Variants in PTPRT observed in about 807,000 individuals in gnomAD.
The protein encoded by PTPRT is receptor-type tyrosine-protein phosphatase T.
Under a neutral mutation model 176.8 loss-of-function variants are expected in PTPRT, and 56 were observed. That is an observed-to-expected ratio of 0.32 (90% CI 0.26 to 0.40). The LOEUF is 0.40. Among genes scored for constraint, PTPRT ranks in the 10% least tolerant of loss-of-function variants. PTPRT has a pLI of 1.00. For synonymous variants in PTPRT, 783 were observed against 739.0 expected (o/e 1.06, Z -0.96); for missense variants, 1,540 against 1,908.2 (o/e 0.81, Z 3.60).
chr20:42,486,049 A>G (rs2071459108), intron 7 of PTPRT, among the ~76,000 whole-genome samples: 1 of 152,172 alleles, frequency 6.6e-6, no homozygotes, highest in South Asian at 2.1e-4. Context: ...TAGAAGACAC[A>G]TTATCTGACT....
At chr20:42,231,678 G>C (rs1477467963) in intron 15 of PTPRT, among the ~76,000 whole-genome samples, 1 of 152,106 alleles carries the variant, frequency 6.6e-6, no homozygotes, top group Non-Finnish European at 1.5e-5. Flanking sequence ...TGTGACCTGT[G>C]GGCCAAATCT....
intron 7 of PTPRT, among the ~76,000 whole-genome samples, chr20:42,492,764 T>C (rs1389043908): frequency 1.3e-5 from 2 of 152,194 alleles, no homozygotes; most frequent in Admixed American, 6.6e-5. Flanking sequence ...CTGTGTTATA[T>C]GAATTATTTG....
rs199514226 is a variant in PTPRT at position 42,115,284 on chromosome 20, G to A, written c.3014C>T (p.Thr1005Met). ...GACTTTAATGTCTCCGTAGACCTCC[G>A]TGTCATCTGGCCAGTATCGCACACA... ...VKCVRYWPDD[T>M]EVYGDIKVTL... Residue 1005 changes from threonine to methionine, a missense_variant, in exon 22 of 31, where the codon ACG becomes ATG. Coordinates refer to ENST00000373187, the MANE Select transcript of PTPRT (RefSeq NM_007050.6). 7.0e-5 allele frequency: 113 copies of A among 1,613,962 alleles called. 1 individual carries two copies. Among genetic ancestry groups the A allele is most frequent in the Admixed American group, 1.7e-4 (10 of 59,992 alleles).
chr20:42,906,679 A>C, intron 1 of PTPRT, among the ~76,000 whole-genome samples: 1 of 152,130 alleles, frequency 6.6e-6, no homozygotes, highest in Non-Finnish European at 1.5e-5. Context: ...ATGCTTCCCT[A>C]GAGGTTTGAG....
At chr20:42,793,415 A>G (rs1450477157) in intron 2 of PTPRT, among the ~76,000 whole-genome samples, 1 of 152,200 alleles carries the variant, frequency 6.6e-6, no homozygotes, top group Non-Finnish European at 1.5e-5. Context: ...GCTACCACTT[A>G]TAAGTGAGAA....
intron 6 of PTPRT, among the ~76,000 whole-genome samples, chr20:42,735,882 G>T (rs879784062): frequency 5.3e-5 from 8 of 152,118 alleles, no homozygotes; most frequent in Admixed American, 1.3e-4. Context: ...CACTCTAGTT[G>T]TCTGTCCTTA....
chr20:42,515,562 T>C (rs1259483110), intron 7 of PTPRT, among the ~76,000 whole-genome samples: 1 of 152,240 alleles, frequency 6.6e-6, no homozygotes, highest in African/African-American at 2.4e-5. Flanking sequence ...TTATCATTTT[T>C]AATACTTTTT....
chr20:42,865,275 T>C (rs2078727527), intron 2 of PTPRT, among the ~76,000 whole-genome samples: 1 of 152,186 alleles, frequency 6.6e-6, no homozygotes, highest in South Asian at 2.1e-4. Context: ...GCAACTTGCT[T>C]CAGGCCACAC....
In PTPRT at chr20:42,417,717, G is replaced by C. The variant is rs74438826; in HGVS notation, c.1560+30503C>G. Among the ~76,000 whole-genome samples the C allele has an allele frequency of 7.3e-4, 109 of 148,544 alleles. 1 individual carries two copies. The East Asian group carries it at 0.02, about 27-fold the overall frequency. On this transcript the variant is annotated intron_variant, in intron 9 of 30. Coordinates refer to ENST00000373187, the MANE Select transcript of PTPRT (RefSeq NM_007050.6). ...AATGAATAATATGAAGATGAGGAAG[G>C]CTTGACATTTATTTGTCTATTTATT...
At chr20:42,892,549 C>T (rs1192485348) in intron 1 of PTPRT, among the ~76,000 whole-genome samples, 1 of 151,986 alleles carries the variant, frequency 6.6e-6, no homozygotes, top group Non-Finnish European at 1.5e-5. Context: ...CTTTACTTGC[C>T]CTCCGTGGTA....
chr20:42,940,673 A>G (rs185208275), intron 1 of PTPRT, among the ~76,000 whole-genome samples: 1 of 152,322 alleles, frequency 6.6e-6, no homozygotes, highest in African/African-American at 2.4e-5. Context: ...GAACCAGAAC[A>G]TGATGTGCAT....
At chr20:42,146,579 T>C (rs1265957399) in intron 17 of PTPRT, among the ~76,000 whole-genome samples, 1 of 152,192 alleles carries the variant, frequency 6.6e-6, no homozygotes, top group Non-Finnish European at 1.5e-5. Flanking sequence ...TGTTTAAAAC[T>C]CCCCAGCTGA....
At chr20:42,331,419 G>GT (rs11086829) in intron 11 of PTPRT, among the ~76,000 whole-genome samples, 94 of 149,852 alleles carry the variant, frequency 6.3e-4, no homozygotes, top group South Asian at 1.7e-3. Context: ...TCTCTGAACA[G>GT]TTTTTTTTTT....
intron 9 of PTPRT, among the ~76,000 whole-genome samples, chr20:42,365,006 A>T (rs2058494339): frequency 6.6e-6 from 1 of 152,212 alleles, no homozygotes; most frequent in Admixed American, 6.5e-5. Flanking sequence ...TGTGAGCCAC[A>T]TTTGTGATTT....
rs368986880 is a variant in PTPRT at position 43,127,678 on chromosome 20, G to C, written c.88+61968C>G. Among the ~76,000 whole-genome samples, 502 of 152,282 alleles carry C rather than the reference G, an allele frequency of 3.3e-3. 18 individuals carry two copies. In the South Asian group the frequency reaches 0.057, roughly 17 times the overall value. ...GCTTCTTATGGCCAACCTGGGCCCAGAGGGATGTTAAAGAGCCCAGGTTGG... is the reference window on the plus strand; with the variant it reads ...GCTTCTTATGGCCAACCTGGGCCCACAGGGATGTTAAAGAGCCCAGGTTGG... On this transcript the variant is annotated intron_variant, in intron 1 of 30. Coordinates refer to ENST00000373187, the MANE Select transcript of PTPRT (RefSeq NM_007050.6).
chr20:42,943,073 C>T (rs1431044046), intron 1 of PTPRT, among the ~76,000 whole-genome samples: 4 of 152,172 alleles, frequency 2.6e-5, no homozygotes, highest in African/African-American at 9.7e-5. Context: ...TTCACTCATC[C>T]ATTTATTTAG....
At chr20:42,832,071 T>G (rs1306747138) in intron 2 of PTPRT, among the ~76,000 whole-genome samples, 1 of 152,198 alleles carries the variant, frequency 6.6e-6, no homozygotes, top group Non-Finnish European at 1.5e-5. Context: ...TAAAGACACA[T>G]GCACATGAAT....
At chr20:42,753,634 T>A (rs1007102047) in intron 6 of PTPRT, among the ~76,000 whole-genome samples, 2 of 152,110 alleles carry the variant, frequency 1.3e-5, no homozygotes, top group Non-Finnish European at 2.9e-5. Flanking sequence ...CAGTGGTAGC[T>A]GCGGAGTCAT....
At chr20:42,617,576 T>C (rs1389809589) in intron 7 of PTPRT, among the ~76,000 whole-genome samples, 1 of 137,324 alleles carries the variant, frequency 7.3e-6, no homozygotes, top group Non-Finnish European at 1.5e-5. Flanking sequence ...TCCTGGACTC[T>C]TTTTGGTTGG....
Sources: allele counts gnomAD v4.1 joint callset (sites outside exome capture counted in the v4.1 genomes callset), GRCh38; gene constraint gnomAD v4.1.1; transcripts MANE v1.5; gene names NCBI Gene and HGNC (gene_info 2026-07-23, HGNC 2026-07-21).